Variants in WDR7 observed in about 807,000 individuals in gnomAD.
WDR7 encodes the protein WD repeat-containing protein 7.
A neutral mutation model predicts 169.4 loss-of-function variants in WDR7; 46 were observed. That is an observed-to-expected ratio of 0.27 (90% CI 0.21 to 0.35). WDR7 has a LOEUF of 0.35. Among genes scored for constraint, WDR7 ranks in the 10% least tolerant of loss-of-function variants. The probability of loss-of-function intolerance (pLI) is 1.00; values close to 1 mark genes in which losing one functional copy is unlikely to be tolerated. For missense variants in WDR7, 1,534 were observed against 1,859.3 expected (o/e 0.83, Z 3.22); for synonymous variants, 612 against 666.8 (o/e 0.92, Z 1.27).
At chr18:56,899,585 T>C (rs2046373687) in intron 21 of WDR7, among the ~76,000 whole-genome samples, 1 of 152,120 alleles carries the variant, frequency 6.6e-6, no homozygotes, top group Non-Finnish European at 1.5e-5. Flanking sequence ...GTTTTTCTTC[T>C]GCACATGCCC....
At chr18:56,870,611 A>G (rs968327990) in intron 20 of WDR7, among the ~76,000 whole-genome samples, 1 of 152,216 alleles carries the variant, frequency 6.6e-6, no homozygotes, top group Non-Finnish European at 1.5e-5. Flanking sequence ...AAAAAGATAG[A>G]TCTTAAAAAT....
At chr18:56,679,887 A>C (rs988582434) in intron 3 of WDR7, among the ~76,000 whole-genome samples, 2 of 152,232 alleles carry the variant, frequency 1.3e-5, no homozygotes, top group African/African-American at 4.8e-5. Context: ...CCCAAGTCTC[A>C]GAATGCAGCT....
At position 56,922,054 on chromosome 18, in the gene WDR7, G is replaced by A. The variant is rs1231775448; in HGVS notation, c.3527-1868G>A. ...GGGACCCTTATTGCTTAGATTGGAAGCCATGGCTGCTGGTGTTTCAGGATG... is the reference window on the plus strand; with the variant it reads ...GGGACCCTTATTGCTTAGATTGGAAACCATGGCTGCTGGTGTTTCAGGATG... On this transcript the variant is annotated intron_variant, in intron 21 of 27. Coordinates refer to ENST00000254442, the MANE Select transcript of WDR7 (RefSeq NM_015285.3). 3.3e-5 allele frequency among the ~76,000 whole-genome samples: 5 copies of A among 152,330 alleles called. No homozygotes were observed. The South Asian group carries it at 1.0e-3, about 32-fold the overall frequency.
rs1222221435 is a variant in WDR7, at chr18:56,816,072, C to A, written c.3232C>A (p.Pro1078Thr). Residue 1078 changes from proline (P) to threonine (T), a missense_variant, in exon 20 of 28, where the codon CCT becomes ACT. Pro to Thr is a conservative substitution (Grantham distance 38). Transcript: ENST00000254442. ...SEAAQTITTAPDASGPEAKVQ... is the reference protein window; with the variant it reads ...SEAAQTITTATDASGPEAKVQ... ...AGCCGCGCAGACTATCACCACGGCTCCTGATGCCTCAGGGCCTGAAGCAAA... is the reference window on the plus strand; with the variant it reads ...AGCCGCGCAGACTATCACCACGGCTACTGATGCCTCAGGGCCTGAAGCAAA... 3.1e-6 allele frequency: 5 copies of A among 1,613,704 alleles called. No individual in the cohort carries two copies. The highest frequency in any genetic ancestry group is 4.2e-6 in the Non-Finnish European group (5 of 1,179,888).
chr18:56,799,564 T>C (rs1404972424), intron 19 of WDR7, among the ~76,000 whole-genome samples: 2 of 152,146 alleles, frequency 1.3e-5, no homozygotes, highest in East Asian at 1.9e-4. Flanking sequence ...GTAGTACTGT[T>C]TGTAAATATA....
chr18:57,024,335 G>C (rs2048328031), intron 27 of WDR7, among the ~76,000 whole-genome samples: 1 of 152,112 alleles, frequency 6.6e-6, no homozygotes, highest in East Asian at 1.9e-4. Flanking sequence ...TGAAAAAATT[G>C]TTAGTTGTTT....
At chr18:56,878,861 C>T (rs895873948) in intron 20 of WDR7, among the ~76,000 whole-genome samples, 7 of 152,138 alleles carry the variant, frequency 4.6e-5, no homozygotes, top group Admixed American at 2.6e-4. Context: ...ATGTTTTCAG[C>T]GTCATTTTTG....
At chr18:56,986,534 A>C (rs1305373759) in intron 26 of WDR7, among the ~76,000 whole-genome samples, 5 of 152,134 alleles carry the variant, frequency 3.3e-5, no homozygotes, top group Non-Finnish European at 5.9e-5. Flanking sequence ...GGATTTTTAA[A>C]TTAAAGCTTT....
At chr18:56,890,580 A>C (rs2046251032) in intron 21 of WDR7, among the ~76,000 whole-genome samples, 1 of 152,196 alleles carries the variant, frequency 6.6e-6, no homozygotes, top group Admixed American at 6.5e-5. Flanking sequence ...AAGATAAGCA[A>C]TAGCAAAAGA....
At chr18:57,020,980 CTG>C in intron 27 of WDR7, 131 bp downstream of exon 27, 1 of 737,410 alleles carries the variant, frequency 1.4e-6, no homozygotes, top group Non-Finnish European at 2.3e-6. Flanking sequence ...AACATCCAGT[CTG>C]TATTGATTGC....
intron 16 of WDR7, among the ~76,000 whole-genome samples, chr18:56,762,168 A>C (rs758984477): frequency 6.6e-5 from 10 of 152,074 alleles, no homozygotes; most frequent in Non-Finnish European, 1.2e-4. Flanking sequence ...ATCCTAGAAT[A>C]AAACCAATTT....
intron 21 of WDR7, among the ~76,000 whole-genome samples, chr18:56,919,457 C>G (rs575428651): frequency 6.6e-6 from 1 of 151,798 alleles, no homozygotes; most frequent in Admixed American, 6.6e-5. Flanking sequence ...GACAAAAACT[C>G]ATTGTTTGAG....
intron 22 of WDR7, among the ~76,000 whole-genome samples, chr18:56,924,807 T>G (rs2046780196): frequency 6.6e-6 from 1 of 152,260 alleles, no homozygotes; most frequent in Admixed American, 6.5e-5. Context: ...AATTTACCAC[T>G]GTAGCCATCT....
At chr18:56,693,452 A>T (rs141675333) in intron 9 of WDR7, among the ~76,000 whole-genome samples, 18 of 151,766 alleles carry the variant, frequency 1.2e-4, no homozygotes, top group African/African-American at 4.1e-4. Context: ...GTTCAAATTG[A>T]TTATGAAAAT....
chr18:56,976,845 C>G (rs2047572745), intron 26 of WDR7, among the ~76,000 whole-genome samples: 1 of 152,230 alleles, frequency 6.6e-6, no homozygotes. Context: ...GGGCCTCACC[C>G]TTCCCTGAGC....
intron 19 of WDR7, among the ~76,000 whole-genome samples, chr18:56,800,341 C>T (rs145090020): frequency 0.014 from 2,080 of 152,246 alleles, 42 homozygotes; most frequent in Middle Eastern, 0.095. Context: ...ACAGTGTATG[C>T]ATGTTTATAT....
intron 20 of WDR7, among the ~76,000 whole-genome samples, chr18:56,823,856 C>T (rs1490259965): frequency 1.3e-5 from 2 of 152,168 alleles, no homozygotes; most frequent in East Asian, 3.9e-4. Flanking sequence ...TCCAGCCTTG[C>T]ATTTTTTCTT....
intron 20 of WDR7, among the ~76,000 whole-genome samples, chr18:56,825,971 A>G (rs1208552907): frequency 1.4e-5 from 2 of 139,146 alleles, no homozygotes; most frequent in Non-Finnish European, 3.3e-5. Context: ...ATTAACTATT[A>G]TATATTTCTT....
At chr18:56,972,555 C>T (rs192404407) in intron 26 of WDR7, among the ~76,000 whole-genome samples, 47 of 152,276 alleles carry the variant, frequency 3.1e-4, no homozygotes, top group African/African-American at 1.1e-3. Flanking sequence ...TCTGGAGCAA[C>T]AACCAGAAAT....
Sources: allele counts gnomAD v4.1 joint callset (sites outside exome capture counted in the v4.1 genomes callset), GRCh38; gene constraint gnomAD v4.1.1; transcripts MANE v1.5; gene names NCBI Gene and HGNC (gene_info 2026-07-23, HGNC 2026-07-21).